The following TMTC2 variants were observed in gnomAD, a reference collection of about 807,000 sequenced individuals.
TMTC2 encodes protein O-mannosyl-transferase TMTC2.
A neutral mutation model predicts 82.4 loss-of-function variants in TMTC2; 43 were observed. The observed-to-expected ratio is 0.52, with a 90% CI of 0.41 to 0.67. The LOEUF (loss-of-function observed/expected upper bound fraction) is 0.67, where lower values mean the gene tolerates loss of function less well. Among genes scored for constraint, TMTC2 ranks in the 30% least tolerant of loss-of-function variants. The pLI is 0.00. For synonymous variants in TMTC2, 408 were observed against 381.9 expected (o/e 1.07, Z -0.80); for missense variants, 919 against 1,012.4 (o/e 0.91, Z 1.25).
At chr12:83,032,975 A>T (rs750698918) in intron 9 of TMTC2, among the ~76,000 whole-genome samples, 2 of 152,224 alleles carry the variant, frequency 1.3e-5, no homozygotes, top group African/African-American at 4.8e-5. Flanking sequence ...GTATTTTGGC[A>T]TACATACATT....
chr12:82,844,176 T>C (rs1870501356), intron 1 of TMTC2, among the ~76,000 whole-genome samples: 1 of 152,200 alleles, frequency 6.6e-6, no homozygotes. Flanking sequence ...TCAGTGTTCA[T>C]AGCCAGAGGG....
intron 2 of TMTC2, among the ~76,000 whole-genome samples, chr12:82,878,930 T>C (rs1432757720): frequency 6.6e-6 from 1 of 152,136 alleles, no homozygotes; most frequent in Non-Finnish European, 1.5e-5. Context: ...TGCCATTCCA[T>C]GAGCACAAAG....
Position 82,930,532 on chromosome 12 carries a change from A to G in TMTC2, c.1585A>G (p.Met529Val), listed in dbSNP as rs769550182. Residue 529 changes from methionine (M) to valine (V), a missense_variant, in exon 4 of 12, where the codon ATG (methionine) becomes GTG (valine). Physicochemically the swap from Met to Val is conservative, Grantham distance 21 (BLOSUM62 1). Coordinates refer to ENST00000321196, the MANE Select transcript of TMTC2 (RefSeq NM_152588.3). ...GTACTACCGCAGCAACATGGCTGACATGCTTTATAATTTGTGAGTATGCCT... is the reference window on the plus strand; with the variant it reads ...GTACTACCGCAGCAACATGGCTGACGTGCTTTATAATTTGTGAGTATGCCT... ...ALYYRSNMAD[M>V]LYNLGLLLQE... 3 of 1,580,664 alleles carry G rather than the reference A, an allele frequency of 1.9e-6. No individual in the cohort carries two copies. The highest frequency in any genetic ancestry group is 2.3e-5 in the East Asian group (1 of 44,068).
At chr12:83,128,895 G>A (rs984067265) in intron 11 of TMTC2, among the ~76,000 whole-genome samples, 2 of 152,138 alleles carry the variant, frequency 1.3e-5, no homozygotes, top group African/African-American at 4.8e-5. Flanking sequence ...GTAAAAAGTA[G>A]AGTCTATACC....
chr12:82,905,932 C>T (rs576963025), intron 3 of TMTC2, among the ~76,000 whole-genome samples: 77 of 144,556 alleles, frequency 5.3e-4, no homozygotes, highest in Middle Eastern at 7.1e-3. Context: ...GCAACAAGAG[C>T]GAAACTCTGT....
rs1282325779 is a variant in TMTC2 at position 82,687,191 on chromosome 12, C to G, written c.-396C>G. 4.0e-6 allele frequency: 1 copy of G among 249,870 alleles called. No individual in the cohort carries two copies. The highest frequency in any genetic ancestry group is 8.0e-6 in the Non-Finnish European group (1 of 125,728). 15.5% of individuals were successfully genotyped at this position (249,870 alleles called of 1,614,324 possible). On this transcript the variant is annotated 5_prime_UTR_variant, in exon 1 of 12. The change creates a new upstream start codon in the 5' untranslated region. Coordinates refer to ENST00000321196, the MANE Select transcript of TMTC2 (RefSeq NM_152588.3). Reference sequence around the variant, plus strand: ...CTTGGTCCGGTCCCTCTGCCCCCATCCCGCACCCTTCCACCTCCTCCGAGT... The same window carrying G: ...CTTGGTCCGGTCCCTCTGCCCCCATGCCGCACCCTTCCACCTCCTCCGAGT...
At chr12:83,004,064 T>G (rs1655601) in intron 8 of TMTC2, among the ~76,000 whole-genome samples, 116,399 of 151,984 alleles carry the variant, frequency 0.77, 46,115 homozygotes, top group South Asian at 0.93. Context: ...TTTAATCATT[T>G]TTCTTATTCT....
chr12:82,804,497 AG>A (rs1345820300), intron 1 of TMTC2, among the ~76,000 whole-genome samples: 1 of 152,136 alleles, frequency 6.6e-6, no homozygotes, highest in African/African-American at 2.4e-5. Context: ...GACTTTTTAA[AG>A]CAATGATAAT....
At position 83,020,738 on chromosome 12, in the gene TMTC2, C is replaced by A. The variant is rs559332531; in HGVS notation, c.2071-10060C>A. Among the ~76,000 whole-genome samples the A allele has an allele frequency of 7.2e-5, 11 of 152,242 alleles. No individual in the cohort carries two copies. The South Asian group carries it at 1.5e-3, about 20-fold the overall frequency. ...ATTGTAACCTATCAAATTATCTCCA[C>A]TGAAATGTTACTGCAGTATGTGTGG... On this transcript the variant is annotated intron_variant, in intron 8 of 11. Coordinates refer to ENST00000321196, the MANE Select transcript of TMTC2 (RefSeq NM_152588.3).
At chr12:83,040,314 G>T (rs1881839872) in intron 9 of TMTC2, among the ~76,000 whole-genome samples, 1 of 152,176 alleles carries the variant, frequency 6.6e-6, no homozygotes, top group Non-Finnish European at 1.5e-5. Context: ...CAGACCCAGA[G>T]CCAGATTGCT....
rs577353454 is a variant in TMTC2, at chr12:83,010,089, A to G, written c.2071-20709A>G. On this transcript the variant is annotated intron_variant, in intron 8 of 11. Coordinates refer to ENST00000321196, the MANE Select transcript of TMTC2 (RefSeq NM_152588.3). ...TGTGCAGCCTGGTTCCAAACAGGCC[A>G]TGAACTGGGACCTGTCCATGGCCTG... Among the ~76,000 whole-genome samples the G allele has an allele frequency of 9.2e-5, 14 of 152,308 alleles. No individual in the cohort carries two copies. In the South Asian group the frequency reaches 1.0e-3, roughly 11 times the overall value.
chr12:83,107,018 A>T (rs909201283), intron 11 of TMTC2, among the ~76,000 whole-genome samples: 1 of 152,172 alleles, frequency 6.6e-6, no homozygotes, highest in African/African-American at 2.4e-5. Context: ...GATGACAGGG[A>T]TAATGTTTTG....
chr12:83,008,739 G>A (rs1232249419), intron 8 of TMTC2, among the ~76,000 whole-genome samples: 5 of 152,132 alleles, frequency 3.3e-5, no homozygotes, highest in Non-Finnish European at 5.9e-5. Context: ...AGTAGAAAAT[G>A]AAATACGCAG....
intron 2 of TMTC2, among the ~76,000 whole-genome samples, chr12:82,875,887 A>G (rs1392434313): frequency 6.9e-6 from 1 of 145,176 alleles, no homozygotes; most frequent in African/African-American, 2.7e-5. Flanking sequence ...ATCATGAAGG[A>G]GAGCTCACGC....
intron 8 of TMTC2, 62 bp from the exon 9 acceptor site, chr12:83,030,736 C>A: frequency 7.7e-7 from 1 of 1,306,126 alleles, no homozygotes; most frequent in Non-Finnish European, 1.1e-6. Context: ...TCAGTTAGGC[C>A]CAGGCAGTGA....
At chr12:82,883,696 T>C (rs529863984) in intron 2 of TMTC2, among the ~76,000 whole-genome samples, 2 of 152,306 alleles carry the variant, frequency 1.3e-5, no homozygotes, top group East Asian at 3.9e-4. Flanking sequence ...GCATTTGCAA[T>C]GTAGTTGGCC....
chr12:82,924,076 G>T (rs573296186), intron 3 of TMTC2, among the ~76,000 whole-genome samples: 12 of 152,320 alleles, frequency 7.9e-5, no homozygotes, highest in Admixed American at 3.3e-4. Context: ...AGAAGGAATT[G>T]TTTTTATATT....
chr12:82,714,565 T>G (rs1298767098), intron 1 of TMTC2, among the ~76,000 whole-genome samples: 1 of 152,176 alleles, frequency 6.6e-6, no homozygotes, highest in Non-Finnish European at 1.5e-5. Context: ...ACGAAGCATT[T>G]TCCTGTTACT....
intron 11 of TMTC2, among the ~76,000 whole-genome samples, chr12:83,129,294 G>A (rs905022039): frequency 2.0e-5 from 3 of 151,930 alleles, no homozygotes; most frequent in South Asian, 2.1e-4. Context: ...TGCTGGGAGC[G>A]GTTATCCCAT....
Sources: allele counts gnomAD v4.1 joint callset (sites outside exome capture counted in the v4.1 genomes callset), GRCh38; gene constraint gnomAD v4.1.1; transcripts MANE v1.5; gene names NCBI Gene and HGNC (gene_info 2026-07-23, HGNC 2026-07-21).